The following SREBF2 variants were observed in gnomAD, a reference collection of about 807,000 sequenced individuals.
The protein encoded by SREBF2 is sterol regulatory element binding transcription factor 2.
Under a neutral mutation model 113.1 loss-of-function variants are expected in SREBF2, and 55 were observed. That is an observed-to-expected ratio of 0.49 (90% CI 0.39 to 0.61). The LOEUF (loss-of-function observed/expected upper bound fraction) is 0.61. SREBF2 is among the 20% of genes least tolerant of loss of function. SREBF2 has a pLI of 0.00. For missense variants in SREBF2, 1,349 were observed against 1,487.4 expected, an observed-to-expected ratio of 0.91 and a Z score of 1.53; for synonymous variants, 593 against 605.7, an observed-to-expected ratio of 0.98 and a Z score of 0.31.
intron 17 of SREBF2, 99 bp from the exon 18 acceptor site, chr22:41,904,764 G>A: frequency 1.1e-6 from 1 of 924,984 alleles, no homozygotes. Flanking sequence ...GGGAAGGGAT[G>A]TCATGAGGTG....
chr22:41,875,208 A>G (rs1040485045), intron 5 of SREBF2, 129 bp from the exon 6 acceptor site: 16 of 744,554 alleles, frequency 2.1e-5, no homozygotes, highest in Non-Finnish European at 3.6e-5. Context: ...AATCATTGGG[A>G]GGACCAGCAT....
At chr22:41,852,684 TCTGA>T (rs904300259) in intron 1 of SREBF2, among the ~76,000 whole-genome samples, 6 of 151,364 alleles carry the variant, frequency 4.0e-5, no homozygotes, top group African/African-American at 7.3e-5. Context: ...GATGAAGTTA[TCTGA>T]CTGACTTTTT....
chr22:41,879,702 G>GT (rs1433305958), intron 9 of SREBF2, among the ~76,000 whole-genome samples: 2 of 152,330 alleles, frequency 1.3e-5, no homozygotes, highest in Admixed American at 6.5e-5. Flanking sequence ...CACAGATAGT[G>GT]TACCAGCTGC....
chr22:41,854,207 A>C (rs569160734), intron 1 of SREBF2, among the ~76,000 whole-genome samples: 1 of 151,646 alleles, frequency 6.6e-6, no homozygotes, highest in Admixed American at 6.6e-5. Context: ...CTTGCCACCC[A>C]GGCTGGAGTG....
chr22:41,856,729 G>A (rs1291277827), intron 1 of SREBF2, among the ~76,000 whole-genome samples: 1 of 152,120 alleles, frequency 6.6e-6, no homozygotes, highest in African/African-American at 2.4e-5. Flanking sequence ...AAAACCTTTG[G>A]AACAGAAGGG....
chr22:41,855,756 T>C (rs1408496055), intron 1 of SREBF2, among the ~76,000 whole-genome samples: 2 of 101,828 alleles, frequency 2.0e-5, no homozygotes, highest in African/African-American at 7.2e-5. Context: ...GTAGTATAAC[T>C]TTTTTTTTTT....
chr22:41,871,275 C>T (rs559395963), intron 4 of SREBF2, among the ~76,000 whole-genome samples: 1 of 152,084 alleles, frequency 6.6e-6, no homozygotes, highest in South Asian at 2.1e-4. Flanking sequence ...CAGAAGGACC[C>T]TCTATTCTTG....
chr22:41,845,812 A>G (rs912408982), intron 1 of SREBF2, among the ~76,000 whole-genome samples: 1 of 152,228 alleles, frequency 6.6e-6, no homozygotes, highest in Non-Finnish European at 1.5e-5. Flanking sequence ...TGTGTGTCAG[A>G]GTACTGCATA....
intron 14 of SREBF2, 81 bp from the exon 15 acceptor site, chr22:41,898,568 G>A (rs1377711076): frequency 1.0e-5 from 16 of 1,590,974 alleles, no homozygotes; most frequent in Non-Finnish European, 1.4e-5. Flanking sequence ...CATCTCCTAG[G>A]AAGGAAGTGT....
chr22:41,897,009 G>C (rs373592735), intron 13 of SREBF2, 43 bp from the exon 14 acceptor site: 1 of 1,411,704 alleles, frequency 7.1e-7, no homozygotes. Context: ...TGGGCCTTGT[G>C]TATATGTTTT....
chr22:41,854,085 T>C (rs934363846), intron 1 of SREBF2, among the ~76,000 whole-genome samples: 2 of 151,976 alleles, frequency 1.3e-5, no homozygotes, highest in African/African-American at 4.8e-5. Flanking sequence ...ATAAGTTGCA[T>C]GAAAGTTGCT....
intron 11 of SREBF2, among the ~76,000 whole-genome samples, chr22:41,892,852 G>T (rs1304607596): frequency 1.3e-5 from 2 of 152,118 alleles, no homozygotes; most frequent in Non-Finnish European, 2.9e-5. Flanking sequence ...TGCAGCAGGG[G>T]CCCCACGCGT....
rs1471280752 is a variant in SREBF2, at chr22:41,866,967, T to C, written c.225T>C (p.Asn75=). Residue 75 remains asparagine (N), a synonymous_variant, in exon 2 of 19, where the codon AAT becomes AAC. Coordinates refer to ENST00000361204, the MANE Select transcript of SREBF2 (RefSeq NM_004599.4). The part of the protein sequence containing the change: ...GSSGSSSSSS[N]GRGSSSGAVD... ...GTGGCAGCAGCAGCAGCAGCAGCAA[T>C]GGCAGGGGCAGCAGCAGCGGAGCTG... 1.2e-6 allele frequency: 2 copies of C among 1,613,856 alleles called. No individual in the cohort carries two copies. The highest frequency in any genetic ancestry group is 1.3e-5 in the African/African-American group (1 of 74,880).
intron 11 of SREBF2, among the ~76,000 whole-genome samples, chr22:41,890,022 A>T (rs370372294): frequency 1.3e-5 from 2 of 151,992 alleles, no homozygotes; most frequent in Non-Finnish European, 2.9e-5. Flanking sequence ...AATATTTTGG[A>T]TTCTTAATAA....
At chr22:41,889,466 TA>T (rs2077334708) in intron 11 of SREBF2, among the ~76,000 whole-genome samples, 1 of 152,156 alleles carries the variant, frequency 6.6e-6, no homozygotes, top group Non-Finnish European at 1.5e-5. Flanking sequence ...AATAGGTATT[TA>T]AATTGTCTTA....
chr22:41,874,140 C>T (rs2148387474), intron 5 of SREBF2, 121 bp downstream of exon 5: 1 of 959,792 alleles, frequency 1.0e-6, no homozygotes, highest in Admixed American at 2.2e-5. Context: ...GTTAGAGGTG[C>T]TTTTTTATTA....
At chr22:41,892,431 C>T (rs976852397) in intron 11 of SREBF2, among the ~76,000 whole-genome samples, 4 of 152,012 alleles carry the variant, frequency 2.6e-5, no homozygotes, top group African/African-American at 7.3e-5. Context: ...GGGCGGATCA[C>T]GAGGTCAAGA....
intron 1 of SREBF2, among the ~76,000 whole-genome samples, chr22:41,866,406 C>T (rs887085084): frequency 5.3e-5 from 8 of 152,090 alleles, no homozygotes; most frequent in African/African-American, 1.7e-4. Context: ...AAAAATTAGC[C>T]GGGCATGGTG....
chr22:41,847,151 G>T (rs993042377), intron 1 of SREBF2, among the ~76,000 whole-genome samples: 1 of 152,138 alleles, frequency 6.6e-6, no homozygotes, highest in Admixed American at 6.5e-5. Flanking sequence ...GTGGGATGTT[G>T]GGGTCTTTCA....
Sources: gnomAD v4.1 joint callset for allele counts (sites outside exome capture counted in the v4.1 genomes callset) on GRCh38, gnomAD v4.1.1 for gene constraint, MANE v1.5 for transcripts, NCBI Gene and HGNC (gene_info 2026-07-23, HGNC 2026-07-21) for gene names.